Variants in P2RY14 observed in about 807,000 individuals in gnomAD.
The protein encoded by P2RY14 is purinergic receptor P2Y14, also known as P2Y purinoceptor 14.
In P2RY14, 2 loss-of-function variants were observed where a neutral mutation model predicts 0.9. That is an observed-to-expected ratio of 2.16 (90% CI 0.88 to 6.79). The LOEUF is 6.79. P2RY14 is among the 30% of genes most tolerant of loss of function. The pLI is 0.05. For missense variants in P2RY14, 378 were observed against 400.1 expected (o/e 0.94, Z 0.47); for synonymous variants, 158 against 147.2 (o/e 1.07, Z -0.53).
At chr3:151,255,110 T>C (rs1298127173) in intron 1 of P2RY14, among the ~76,000 whole-genome samples, 1 of 152,190 alleles carries the variant, frequency 6.6e-6, no homozygotes, top group Non-Finnish European at 1.5e-5. Flanking sequence ...ATAGGAACTT[T>C]CGAGTCACAA....
In P2RY14 at chr3:151,213,179, A is replaced by G. The variant is rs1235030079; in HGVS notation, c.*121T>C. ...ACTTATATTTGAATTTTATTGAACT[A>G]AATTGGATGGCAGTGCTAGAGATGA... On this transcript the variant is annotated 3_prime_UTR_variant, in exon 3 of 3. Transcript: ENST00000309170. 15 of 743,328 alleles carry G rather than the reference A, an allele frequency of 2.0e-5. 1 individual carries two copies. Among genetic ancestry groups the G allele is most frequent in the Non-Finnish European group, 2.6e-5 (12 of 459,960 alleles). 46.0% of individuals were successfully genotyped at this position (743,328 alleles called of 1,614,324 possible).
At chr3:151,218,332 C>T (rs1311815257) in intron 2 of P2RY14, among the ~76,000 whole-genome samples, 3 of 152,110 alleles carry the variant, frequency 2.0e-5, no homozygotes, top group Non-Finnish European at 2.9e-5. Context: ...AAAAGATGAA[C>T]AGGACTTCTG....
At chr3:151,214,380 T>C (rs1466417051) in intron 2 of P2RY14, 40 bp from the exon 3 acceptor site, 26 of 1,367,102 alleles carry the variant, frequency 1.9e-5, no homozygotes, top group South Asian at 9.3e-5. Flanking sequence ...AGGGCACTTA[T>C]GGCCTCCAAG....
At chr3:151,239,979 TTATC>T (rs1233999072) in intron 1 of P2RY14, among the ~76,000 whole-genome samples, 1 of 152,062 alleles carries the variant, frequency 6.6e-6, no homozygotes, top group Non-Finnish European at 1.5e-5. Flanking sequence ...TTAAGGTTGT[TTATC>T]TACCCACCAG....
At chr3:151,247,287 C>A (rs1735763077) in intron 1 of P2RY14, among the ~76,000 whole-genome samples, 2 of 152,102 alleles carry the variant, frequency 1.3e-5, no homozygotes, top group South Asian at 4.2e-4. Flanking sequence ...GATTATAAAT[C>A]ATGCTGCTAT....
intron 1 of P2RY14, among the ~76,000 whole-genome samples, chr3:151,221,836 C>G (rs919165199): frequency 6.6e-6 from 1 of 152,154 alleles, no homozygotes; most frequent in Non-Finnish European, 1.5e-5. Context: ...ACTGGGGCAC[C>G]ATCTAATGGA....
At position 151,213,539 on chromosome 3, in the gene P2RY14, G is replaced by A. The variant is rs187659532; in HGVS notation, c.778C>T (p.Gln260Ter). 2 of 1,614,050 alleles carry A rather than the reference G, an allele frequency of 1.2e-6. No individual in the cohort carries two copies. Among genetic ancestry groups the A allele is most frequent in the Non-Finnish European group, 1.7e-6 (2 of 1,180,024 alleles). Residue 260 changes from glutamine to a stop codon, truncating the protein, a stop_gained, in exon 3 of 3, where the codon CAG (glutamine) becomes TAG (stop). Transcript: ENST00000309170. LOFTEE classifies it high-confidence loss of function. ...HIARIPYTKS[Q>*]TEAHYSCQSK... The stretch of plus-strand genomic sequence containing the variant: ...TGGCAGCTGTAATGAGCTTCGGTCT[G>A]ACTCTTTGTGTAGGGGATTCTGGCA...
intron 1 of P2RY14, chr3:151,269,499 A>G (rs185049311): frequency 1.0e-5 from 3 of 294,632 alleles, no homozygotes; most frequent in African/African-American, 2.3e-5. Context: ...GAACAGAAGT[A>G]TAACAAATTC....
chr3:151,243,284 C>A (rs377679662), intron 1 of P2RY14, among the ~76,000 whole-genome samples: 2 of 151,032 alleles, frequency 1.3e-5, no homozygotes, highest in South Asian at 4.2e-4. Flanking sequence ...AGATACTCCT[C>A]GAGAAGAGCA....
rs141296934 is a variant in P2RY14 at position 151,219,903 on chromosome 3, C to T, written c.-132-261G>A. Among the ~76,000 whole-genome samples, 7 of 136,846 alleles carry T rather than the reference C, an allele frequency of 5.1e-5. 1 individual carries two copies. Among genetic ancestry groups the T allele is most frequent in the Admixed American group, 2.2e-4 (3 of 13,664 alleles). 89.8% of individuals were successfully genotyped at this position (136,846 alleles called of 152,430 possible). A position where few individuals can be genotyped will look rare whatever the true frequency, so the allele number is the denominator to read the frequency against. On this transcript the variant is annotated intron_variant, in intron 1 of 2. Transcript: ENST00000309170. The stretch of plus-strand genomic sequence containing the variant: ...ATTGGTTTATATTACCCCCCCCCCC[C>T]CCTTGGATATGGATGATCGAATCAA...
rs1042375492 is a variant in P2RY14, at chr3:151,212,587, C to CT, written c.*712dup. On this transcript the variant is annotated 3_prime_UTR_variant, in exon 3 of 3. Transcript: ENST00000309170. ...TCAGTAAAGCCTACTTAAAAATATT[C>CT]TAACACCAGAACCCCAGGCTCATTA... 6.6e-6 allele frequency: 1 copy of CT among 152,002 alleles called. No individual in the cohort carries two copies. Among genetic ancestry groups the CT allele is most frequent in the Non-Finnish European group, 1.5e-5 (1 of 68,010 alleles). The allele number at this position is 152,002 out of a possible 1,614,324, so 9.4% of individuals were successfully genotyped here.
intron 1 of P2RY14, among the ~76,000 whole-genome samples, chr3:151,262,836 C>T (rs1739151753): frequency 6.6e-6 from 1 of 152,048 alleles, no homozygotes; most frequent in South Asian, 2.1e-4. Flanking sequence ...AACCTGATAG[C>T]TTCTATATAA....
intron 1 of P2RY14, among the ~76,000 whole-genome samples, chr3:151,241,622 G>C (rs1252472641): frequency 6.6e-6 from 1 of 152,046 alleles, no homozygotes; most frequent in Non-Finnish European, 1.5e-5. Context: ...ATATGTGTGT[G>C]TGTATATACA....
chr3:151,241,452 A>G lies in P2RY14; in HGVS notation c.-132-21810T>C, dbSNP rs1450839966. On this transcript the variant is annotated intron_variant, in intron 1 of 2. Coordinates refer to ENST00000309170, the MANE Select transcript of P2RY14 (RefSeq NM_014879.4). ...ATGTGTTGATCCCTAGCGACTTATTAAATGTTTTGTGTTGAAGAAACACTA... is the reference window on the plus strand; with the variant it reads ...ATGTGTTGATCCCTAGCGACTTATTGAATGTTTTGTGTTGAAGAAACACTA... Among the ~76,000 whole-genome samples the G allele has an allele frequency of 3.5e-4, 53 of 152,160 alleles. 1 individual carries two copies. The highest frequency in any genetic ancestry group is 1.0e-4 in the Non-Finnish European group (7 of 68,030).
intron 1 of P2RY14, among the ~76,000 whole-genome samples, chr3:151,248,195 C>T (rs2149434170): frequency 6.6e-6 from 1 of 151,774 alleles, no homozygotes; most frequent in South Asian, 2.1e-4. Context: ...TCAGAAGAAC[C>T]AAGGAAAGGA....
At chr3:151,252,926 G>A (rs1418339295) in intron 1 of P2RY14, among the ~76,000 whole-genome samples, 1 of 152,128 alleles carries the variant, frequency 6.6e-6, no homozygotes, top group African/African-American at 2.4e-5. Context: ...AAAGGAGCAT[G>A]TACTACATTA....
intron 1 of P2RY14, among the ~76,000 whole-genome samples, chr3:151,261,849 C>T (rs575621673): frequency 4.9e-4 from 74 of 152,222 alleles, no homozygotes; most frequent in Non-Finnish European, 9.0e-4. Flanking sequence ...CTCAGCCTCC[C>T]GAGTAGCTGG....
intron 1 of P2RY14, among the ~76,000 whole-genome samples, chr3:151,267,677 T>C (rs1332222044): frequency 6.6e-6 from 1 of 152,186 alleles, no homozygotes; most frequent in Non-Finnish European, 1.5e-5. Flanking sequence ...GTAACATGTA[T>C]TACTTATATA....
chr3:151,251,376 C>G (rs1002508588), intron 1 of P2RY14, among the ~76,000 whole-genome samples: 1 of 152,094 alleles, frequency 6.6e-6, no homozygotes, highest in Non-Finnish European at 1.5e-5. Flanking sequence ...TCTCCAAAGC[C>G]TGGTGATTTT....
Sources: allele counts gnomAD v4.1 joint callset (sites outside exome capture counted in the v4.1 genomes callset), GRCh38; gene constraint gnomAD v4.1.1; transcripts MANE v1.5; gene names NCBI Gene and HGNC (gene_info 2026-07-23, HGNC 2026-07-21).